Variants in ACSL1 observed in about 807,000 individuals in gnomAD.
ACSL1 encodes the protein long-chain-fatty-acid--CoA ligase 1.
Under a neutral mutation model 98.4 loss-of-function variants are expected in ACSL1, and 41 were observed. The observed-to-expected ratio is 0.42, with a 90% CI of 0.32 to 0.54. The LOEUF (loss-of-function observed/expected upper bound fraction) is 0.54, where lower values mean the gene tolerates loss of function less well. Ranked by LOEUF, ACSL1 falls within the 20% of genes least tolerant of loss-of-function variation. The probability of loss-of-function intolerance (pLI) is 0.13; values close to 1 mark genes in which losing one functional copy is unlikely to be tolerated. For synonymous variants in ACSL1, 316 were observed against 322.7 expected, an observed-to-expected ratio of 0.98 and a Z score of 0.22; for missense variants, 734 against 883.1, an observed-to-expected ratio of 0.83 and a Z score of 2.14.
intron 2 of ACSL1, among the ~76,000 whole-genome samples, chr4:184,799,397 G>A (rs1464929347): frequency 2.0e-5 from 3 of 152,148 alleles, no homozygotes; most frequent in African/African-American, 7.2e-5. Flanking sequence ...GATTACAGGC[G>A]TCAGCCACTG....
chr4:184,786,692 C>CTTT lies in ACSL1; in HGVS notation c.310+1922_310+1924dup, dbSNP rs34391801. Among the ~76,000 whole-genome samples the CTTT allele has an allele frequency of 7.3e-3, 900 of 123,798 alleles. 23 individuals carry two copies. The highest frequency in any genetic ancestry group is 0.012 in the Non-Finnish European group (714 of 59,668). The allele number at this position is 123,798 out of a possible 152,430, so 81.2% of individuals were successfully genotyped here. On this transcript the variant is annotated intron_variant, in intron 3 of 20. Coordinates refer to ENST00000281455, the MANE Select transcript of ACSL1 (RefSeq NM_001995.5). ...TCAAGTAAAAAACAATAGGCACTTT[C>CTTT]TTTTTTTTTTTTTTTTTTTGAGACG...
intron 3 of ACSL1, among the ~76,000 whole-genome samples, chr4:184,787,738 C>T (rs969780346): frequency 6.6e-6 from 1 of 152,126 alleles, no homozygotes; most frequent in African/African-American, 2.4e-5. Flanking sequence ...GTGGTGCATG[C>T]CTGTAATCCC....
intron 2 of ACSL1, among the ~76,000 whole-genome samples, chr4:184,802,233 T>G: frequency 6.6e-6 from 1 of 152,016 alleles, no homozygotes; most frequent in Non-Finnish European, 1.5e-5. Flanking sequence ...ATTTTAAGAG[T>G]TTCACATTAA....
intron 7 of ACSL1, 27 bp downstream of exon 7, chr4:184,776,457 G>C: frequency 6.2e-7 from 1 of 1,600,500 alleles, no homozygotes; most frequent in South Asian, 1.1e-5. Context: ...AAAGCCTTCA[G>C]AGAAGGGAAG....
intron 5 of ACSL1, among the ~76,000 whole-genome samples, chr4:184,778,943 T>TA (rs11462454): frequency 0.25 from 35,753 of 145,524 alleles, 5,364 homozygotes; most frequent in Non-Finnish European, 0.35. Context: ...TTTATTTATA[T>TA]AAAAAAAAAA....
chr4:184,821,687 A>T (rs1773081286), intron 1 of ACSL1, among the ~76,000 whole-genome samples: 1 of 152,280 alleles, frequency 6.6e-6, no homozygotes. Flanking sequence ...AACTGTTCTG[A>T]AAAATATCCA....
chr4:184,763,132 G>A, intron 16 of ACSL1, 35 bp downstream of exon 16: 2 of 1,604,308 alleles, frequency 1.2e-6, no homozygotes, highest in Non-Finnish European at 1.7e-6. Context: ...ACAGGAAATG[G>A]CAGCGAGGGA....
At chr4:184,813,676 G>A in intron 1 of ACSL1, 1 of 308,340 alleles carries the variant, frequency 3.2e-6, no homozygotes, top group East Asian at 8.0e-5. Flanking sequence ...AAGGCTTTTT[G>A]CCACTGAAAT....
At position 184,776,890 on chromosome 4, in the gene ACSL1, T is replaced by C; in HGVS notation, c.571A>G (p.Asn191Asp). ...LGNEAITYIV[N>D]KAELSLVFVD... Reference sequence around the variant, plus strand: ...GCAAAGATCACAGACGTACCTTTGTTGACTATGTACGTGATGGCTTCATTT... The same window carrying C: ...GCAAAGATCACAGACGTACCTTTGTCGACTATGTACGTGATGGCTTCATTT... Residue 191 changes from asparagine to aspartate, a missense_variant, in exon 6 of 21, where the codon AAC (asparagine) becomes GAC (aspartate). Physicochemically the swap from Asn to Asp is conservative, Grantham distance 23. Transcript: ENST00000281455. 6.2e-7 allele frequency: 1 copy of C among 1,613,936 alleles called. No homozygotes were observed. Among genetic ancestry groups the C allele is most frequent in the Non-Finnish European group, 8.5e-7 (1 of 1,179,786 alleles).
intron 2 of ACSL1, among the ~76,000 whole-genome samples, chr4:184,795,189 T>A (rs749773874): frequency 6.6e-6 from 1 of 152,232 alleles, no homozygotes. Context: ...CACATTCCCA[T>A]CTACTACCTT....
chr4:184,805,539 C>T (rs974213418), intron 1 of ACSL1: 1 of 985,342 alleles, frequency 1.0e-6, no homozygotes, highest in Non-Finnish European at 1.2e-6. Context: ...TCTGTGCCAC[C>T]AACAGCTGAC....
Position 184,825,640 on chromosome 4 carries a change from C to A in ACSL1, c.-33+276G>T, listed in dbSNP as rs1773419452. ...GGTCGGTCCCGCGCGCATCCCCGGC[C>A]GCGCACCAGCCCCGCGCCCGCGCCG... On this transcript the variant is annotated intron_variant, in intron 1 of 20. Transcript: ENST00000281455. This position sits in a 1 kb window ranked among gnomAD's most constrained non-coding sequence, Gnocchi z 4.7. 6.6e-6 allele frequency among the ~76,000 whole-genome samples: 1 copy of A among 150,436 alleles called. No homozygotes were observed. The highest frequency in any genetic ancestry group is 2.1e-4 in the South Asian group (1 of 4,830).
intron 1 of ACSL1, chr4:184,813,829 G>A (rs934902248): frequency 4.4e-6 from 2 of 456,022 alleles, no homozygotes; most frequent in African/African-American, 4.0e-5. Context: ...CTGGCCCCAA[G>A]CTATGCAGGC....
intron 3 of ACSL1, among the ~76,000 whole-genome samples, chr4:184,785,026 G>GGC (rs1311869580): frequency 1.3e-5 from 2 of 152,154 alleles, no homozygotes; most frequent in African/African-American, 4.8e-5. Flanking sequence ...AACAGAGACG[G>GGC]GCGCACTGCA....
rs200405631 is a variant in ACSL1, at chr4:184,776,666, T to C, written c.578-4A>G. 1,211 of 1,607,882 alleles carry C rather than the reference T, an allele frequency of 7.5e-4. 4 individuals carry two copies. Among genetic ancestry groups the C allele is most frequent in the Non-Finnish European group, 9.1e-4 (1,078 of 1,178,958 alleles). On this transcript the variant is annotated splice_region_variant and splice_polypyrimidine_tract_variant and intron_variant, in intron 6 of 20. Transcript: ENST00000281455. The stretch of plus-strand genomic sequence containing the variant: ...ACAAAAACCAGAGAGAGTTCAGCTG[T>C]AAATGAAGAGATACAATGAAGAATA...
Position 184,766,018 on chromosome 4 carries a change from G to T in ACSL1, c.1264-32C>A, listed in dbSNP as rs780817170. On this transcript the variant is annotated intron_variant, in intron 13 of 20. Transcript: ENST00000281455. This position sits in a 1 kb window ranked among gnomAD's most constrained non-coding sequence, Gnocchi z 4.8. ...GGGAGGGAGAGTGGGAGAAGGTGAG[G>T]GTTACACACCTGGAAGTCGGCGGCC... 1.8e-5 allele frequency: 29 copies of T among 1,605,434 alleles called. No homozygotes were observed. In the East Asian group the frequency reaches 5.1e-4, roughly 28 times the overall value.
chr4:184,774,440 G>A (rs879536940), intron 7 of ACSL1, among the ~76,000 whole-genome samples: 1 of 152,080 alleles, frequency 6.6e-6, no homozygotes, highest in Non-Finnish European at 1.5e-5. Context: ...ATAGGATTTG[G>A]GAGCCCCCAA....
intron 18 of ACSL1, chr4:184,758,138 T>C (rs1406251230): frequency 3.9e-6 from 2 of 516,484 alleles, no homozygotes; most frequent in African/African-American, 1.9e-5. Context: ...TTGCAATTAA[T>C]GTTTTTAAAA....
intron 11 of ACSL1, 129 bp downstream of exon 11, chr4:184,770,270 A>C: frequency 6.5e-7 from 1 of 1,544,878 alleles, no homozygotes; most frequent in Non-Finnish European, 8.7e-7. Context: ...ATAACTGTTC[A>C]TAAATGTGAG....
Sources: gnomAD v4.1 joint callset for allele counts (sites outside exome capture counted in the v4.1 genomes callset) on GRCh38, gnomAD v4.1.1 for gene constraint, Gnocchi (gnomAD v3.1) non-coding constraint, MANE v1.5 for transcripts, NCBI Gene and HGNC (gene_info 2026-07-23, HGNC 2026-07-21) for gene names.